CORIN: variants seen among roughly 807,000 people sequenced by gnomAD.
CORIN encodes the protein corin, serine peptidase.
A neutral mutation model predicts 125.3 loss-of-function variants in CORIN; 117 were observed. That is an observed-to-expected ratio of 0.93 (90% CI 0.80 to 1.09). CORIN has a LOEUF of 1.09. CORIN is among the 50% of genes least tolerant of loss of function. The probability of loss-of-function intolerance (pLI) is 0.00; values close to 1 mark genes in which losing one functional copy is unlikely to be tolerated. For missense variants in CORIN, 1,253 were observed against 1,306.7 expected (o/e 0.96, Z 0.63); for synonymous variants, 450 against 466.4 (o/e 0.96, Z 0.45).
At chr4:47,682,922 T>G (rs947033164) in intron 7 of CORIN, 1 of 152,238 alleles carries the variant, frequency 6.6e-6, no homozygotes, top group African/African-American at 2.4e-5. Context: ...ATTCCTAACA[T>G]TCATGATTCC....
At chr4:47,809,905 T>C (rs371624726) in intron 1 of CORIN, among the ~76,000 whole-genome samples, 14 of 152,284 alleles carry the variant, frequency 9.2e-5, no homozygotes, top group African/African-American at 3.4e-4. Context: ...ACTTCACTGT[T>C]GAGTAAATGC....
At chr4:47,751,045 T>C (rs889901486) in intron 4 of CORIN, among the ~76,000 whole-genome samples, 1 of 152,192 alleles carries the variant, frequency 6.6e-6, no homozygotes, top group Non-Finnish European at 1.5e-5. Flanking sequence ...ATGCAAATAA[T>C]GGTTTTGTTG....
At chr4:47,717,775 A>C (rs1191527856) in intron 5 of CORIN, among the ~76,000 whole-genome samples, 1 of 152,200 alleles carries the variant, frequency 6.6e-6, no homozygotes, top group African/African-American at 2.4e-5. Context: ...TATTACATTT[A>C]AAGACCGAAA....
At chr4:47,742,819 T>C (rs190387194) in intron 5 of CORIN, among the ~76,000 whole-genome samples, 95 of 152,198 alleles carry the variant, frequency 6.2e-4, no homozygotes, top group Non-Finnish European at 1.1e-3. Flanking sequence ...AGAACAAAGA[T>C]AGAGGACATA....
intron 4 of CORIN, among the ~76,000 whole-genome samples, chr4:47,749,627 T>C (rs1728814854): frequency 6.6e-6 from 1 of 152,212 alleles, no homozygotes; most frequent in Non-Finnish European, 1.5e-5. Context: ...TGTATAATAA[T>C]ATATGTGTGT....
At chr4:47,770,727 A>G (rs1472438449) in intron 3 of CORIN, among the ~76,000 whole-genome samples, 2 of 152,218 alleles carry the variant, frequency 1.3e-5, no homozygotes, top group Non-Finnish European at 2.9e-5. Context: ...ATTTATGACA[A>G]GATGGATGAA....
At position 47,750,009 on chromosome 4, in the gene CORIN, C is replaced by T. The variant is rs545365903; in HGVS notation, c.618-5426G>A. Among the ~76,000 whole-genome samples, 5 of 152,182 alleles carry T rather than the reference C, an allele frequency of 3.3e-5. 1 individual carries two copies. The highest frequency in any genetic ancestry group is 7.3e-5 in the Non-Finnish European group (5 of 68,040). On this transcript the variant is annotated intron_variant, in intron 4 of 21. Transcript: ENST00000273857. Reference sequence around the variant, plus strand: ...ATACTGTGACTCCAGTCCAGTGCTCCCAAATATCTTGCCTATCTGACCTCC... The same window carrying T: ...ATACTGTGACTCCAGTCCAGTGCTCTCAAATATCTTGCCTATCTGACCTCC...
Position 47,719,164 on chromosome 4 carries a change from T to C in CORIN, c.799+25238A>G, listed in dbSNP as rs1490163587. Among the ~76,000 whole-genome samples the C allele has an allele frequency of 5.3e-5, 8 of 152,346 alleles. 1 individual carries two copies. In the East Asian group the frequency reaches 1.4e-3, roughly 26 times the overall value. On this transcript the variant is annotated intron_variant, in intron 5 of 21. Coordinates refer to ENST00000273857, the MANE Select transcript of CORIN (RefSeq NM_006587.4). The stretch of plus-strand genomic sequence containing the variant: ...CTTTATCATAAACTTTTCTATTCCT[T>C]GTGGTCTCTACTTTGGCAAGTAGTA...
chr4:47,769,611 T>C (rs1332126873), intron 3 of CORIN, among the ~76,000 whole-genome samples: 1 of 152,062 alleles, frequency 6.6e-6, no homozygotes, highest in African/African-American at 2.4e-5. Context: ...CACTACTTGA[T>C]TTCCAAATAC....
At chr4:47,763,297 G>C in intron 4 of CORIN, 82 bp downstream of exon 4, 4 of 1,040,920 alleles carry the variant, frequency 3.8e-6, no homozygotes, top group Middle Eastern at 2.0e-4. Flanking sequence ...ATAAAAGGGA[G>C]TCATTTGGAT....
intron 16 of CORIN, among the ~76,000 whole-genome samples, chr4:47,634,290 C>A (rs1577763395): frequency 6.6e-6 from 1 of 152,278 alleles, no homozygotes; most frequent in South Asian, 2.1e-4. Flanking sequence ...AACTCACAGG[C>A]ATTCGTCTTT....
chr4:47,601,775 A>G lies in CORIN; in HGVS notation c.2813-1428T>C, dbSNP rs531657685. ...GTCTAACATTGCCTTCAAAATTGTT[A>G]CATGTGAGTTTTTTTGAAAAAGTCA... On this transcript the variant is annotated intron_variant, in intron 20 of 21. Coordinates refer to ENST00000273857, the MANE Select transcript of CORIN (RefSeq NM_006587.4). Among the ~76,000 whole-genome samples the G allele has an allele frequency of 7.2e-5, 11 of 152,308 alleles. No individual in the cohort carries two copies. The South Asian group carries it at 2.1e-3, about 29-fold the overall frequency.
Position 47,661,719 on chromosome 4 carries a change from T to A in CORIN, c.1727A>T (p.Tyr576Phe), listed in dbSNP as rs144941289. 2 of 1,610,888 alleles carry A rather than the reference T, an allele frequency of 1.2e-6. No individual in the cohort carries two copies. Among genetic ancestry groups the A allele is most frequent in the Non-Finnish European group, 1.7e-6 (2 of 1,177,992 alleles). The change falls in exon 12 of 22, where the codon TAT (tyrosine) becomes TTT (phenylalanine). Residue 576 changes from tyrosine to phenylalanine, a missense_variant. Physicochemically the swap from Tyr to Phe is conservative, Grantham distance 22. Coordinates refer to ENST00000273857, the MANE Select transcript of CORIN (RefSeq NM_006587.4). The part of the protein sequence containing the change: ...DNQTCLMPDE[Y>F]VEECSPSHFK... Reference sequence around the variant, plus strand: ...TTAATTTTAAAATTAACCTTCCACATATTCATCAGGCATCAGGCAGGTTTG... The same window carrying A: ...TTAATTTTAAAATTAACCTTCCACAAATTCATCAGGCATCAGGCAGGTTTG...
intron 1 of CORIN, among the ~76,000 whole-genome samples, chr4:47,821,720 C>T (rs541806807): frequency 6.6e-5 from 10 of 152,058 alleles, no homozygotes; most frequent in Non-Finnish European, 1.3e-4. Flanking sequence ...TTCTTCCCAG[C>T]GCTAAAGTTA....
At chr4:47,705,426 A>G (rs915504983) in intron 5 of CORIN, among the ~76,000 whole-genome samples, 4 of 152,236 alleles carry the variant, frequency 2.6e-5, no homozygotes, top group Admixed American at 6.5e-5. Flanking sequence ...TGACAAGTGT[A>G]GAGCATGAAC....
intron 3 of CORIN, among the ~76,000 whole-genome samples, chr4:47,779,919 T>A (rs1273142875): frequency 6.6e-6 from 1 of 152,194 alleles, no homozygotes. Flanking sequence ...TGTAAATAAA[T>A]CACTGCAATT....
chr4:47,600,074 G>A (rs1193400905), intron 21 of CORIN, 140 bp downstream of exon 21: 8 of 678,368 alleles, frequency 1.2e-5, no homozygotes, highest in African/African-American at 1.8e-5. Context: ...GCAGGAAAAT[G>A]TGCTGTTAAT....
At chr4:47,669,247 C>T (rs1724626704) in intron 10 of CORIN, among the ~76,000 whole-genome samples, 1 of 152,034 alleles carries the variant, frequency 6.6e-6, no homozygotes, top group Non-Finnish European at 1.5e-5. Context: ...ATCGTTAACT[C>T]AATGGTGTTA....
chr4:47,795,997 C>T (rs79840703), intron 2 of CORIN, among the ~76,000 whole-genome samples: 2,059 of 152,012 alleles, frequency 0.014, 54 homozygotes, highest in African/African-American at 0.046. Flanking sequence ...AAATTGAAAC[C>T]CTTGTACACT....
Sources: allele counts gnomAD v4.1 joint callset (sites outside exome capture counted in the v4.1 genomes callset), GRCh38; gene constraint gnomAD v4.1.1; transcripts MANE v1.5; gene names NCBI Gene and HGNC (gene_info 2026-07-23, HGNC 2026-07-21).